The following ENPP6 variants were observed in gnomAD, a reference collection of about 807,000 sequenced individuals.
ENPP6 encodes the protein ectonucleotide pyrophosphatase/phosphodiesterase 6.
In ENPP6, 32 loss-of-function variants were observed where a neutral mutation model predicts 42.0. The ratio of observed to expected loss-of-function variants is 0.76; its 90% confidence interval spans 0.58 to 1.02. The LOEUF (loss-of-function observed/expected upper bound fraction) is 1.02. Among genes scored for constraint, ENPP6 ranks in the 50% least tolerant of loss-of-function variants. The pLI, the probability that ENPP6 is intolerant of heterozygous loss-of-function variation, is 0.00. For synonymous variants in ENPP6, 213 were observed against 216.0 expected, an observed-to-expected ratio of 0.99 and a Z score of 0.12; for missense variants, 552 against 566.8, an observed-to-expected ratio of 0.97 and a Z score of 0.27.
chr4:184,212,842 T>A (rs1213599886), intron 1 of ENPP6, among the ~76,000 whole-genome samples: 1 of 152,020 alleles, frequency 6.6e-6, no homozygotes, highest in African/African-American at 2.4e-5. Context: ...CAAACTATAC[T>A]ACAAGGCTAC....
chr4:184,142,054 C>T (rs190122057), intron 2 of ENPP6, among the ~76,000 whole-genome samples: 2 of 152,274 alleles, frequency 1.3e-5, no homozygotes, highest in African/African-American at 4.8e-5. Flanking sequence ...GAGAGGTGAA[C>T]CTCCCAAGGT....
chr4:184,126,395 G>T (rs1385894964), intron 2 of ENPP6, among the ~76,000 whole-genome samples: 1 of 152,114 alleles, frequency 6.6e-6, no homozygotes, highest in Non-Finnish European at 1.5e-5. Context: ...GTGTCAAAGT[G>T]GAGCTGTTGT....
At chr4:184,106,309 A>T (rs1736091901) in intron 6 of ENPP6, among the ~76,000 whole-genome samples, 1 of 152,182 alleles carries the variant, frequency 6.6e-6, no homozygotes, top group Admixed American at 6.5e-5. Context: ...TGCTGATATT[A>T]CAGGCATGAG....
At chr4:184,131,201 C>CTTTCTTCT (rs376993212) in intron 2 of ENPP6, among the ~76,000 whole-genome samples, 2 of 70,644 alleles carry the variant, frequency 2.8e-5, no homozygotes, top group Non-Finnish European at 2.8e-5. Context: ...TTCTTTCTTT[C>CTTTCTTCT]TTCTTTCTTT....
chr4:184,107,772 G>A (rs112814337), intron 6 of ENPP6, among the ~76,000 whole-genome samples: 1,521 of 152,096 alleles, frequency 0.01, 27 homozygotes, highest in African/African-American at 0.034. Context: ...AAAATTAGCC[G>A]GGCGTGGTGG....
chr4:184,151,220 C>T lies in ENPP6; in HGVS notation c.421+2334G>A, dbSNP rs528968482. 3.3e-5 allele frequency among the ~76,000 whole-genome samples: 5 copies of T among 152,314 alleles called. No homozygotes were observed. The East Asian group carries it at 9.6e-4, about 29-fold the overall frequency. On this transcript the variant is annotated intron_variant, in intron 2 of 7. Coordinates refer to ENST00000296741, the MANE Select transcript of ENPP6 (RefSeq NM_153343.4). ...AGGCGTGGTGGTGCACGCCTGTAAT[C>T]CCAGCTACTCTGGAGGCTGAGGCAA...
chr4:184,155,075 G>T (rs941466087), intron 1 of ENPP6, among the ~76,000 whole-genome samples: 1 of 152,120 alleles, frequency 6.6e-6, no homozygotes, highest in African/African-American at 2.4e-5. Flanking sequence ...CCCGGGGCTG[G>T]GTCTGAGAAG....
At chr4:184,197,447 T>TA (rs931521023) in intron 1 of ENPP6, among the ~76,000 whole-genome samples, 5 of 152,208 alleles carry the variant, frequency 3.3e-5, no homozygotes, top group African/African-American at 1.2e-4. Context: ...GCAACTTGGG[T>TA]ACATGGCGAG....
At chr4:184,205,403 G>A (rs1358600405) in intron 1 of ENPP6, among the ~76,000 whole-genome samples, 1 of 152,242 alleles carries the variant, frequency 6.6e-6, no homozygotes, top group Non-Finnish European at 1.5e-5. Context: ...CCCAGCTTGG[G>A]CCTTTCTGGG....
intron 1 of ENPP6, among the ~76,000 whole-genome samples, chr4:184,196,840 T>A (rs532232387): frequency 2.1e-4 from 32 of 152,312 alleles, no homozygotes; most frequent in African/African-American, 7.7e-4. Flanking sequence ...GTCTCACAAC[T>A]GGCTGCAAGA....
intron 1 of ENPP6, among the ~76,000 whole-genome samples, chr4:184,202,494 C>T (rs969790910): frequency 3.3e-5 from 5 of 152,152 alleles, no homozygotes; most frequent in African/African-American, 9.7e-5. Context: ...ATCAATTGCA[C>T]GTTTTTGACA....
intron 2 of ENPP6, among the ~76,000 whole-genome samples, chr4:184,133,126 G>A (rs928671724): frequency 2.0e-5 from 3 of 150,632 alleles, no homozygotes; most frequent in Non-Finnish European, 4.4e-5. Flanking sequence ...TCTGGAGTCT[G>A]CACTTCATAT....
chr4:184,194,552 C>T (rs1470356404), intron 1 of ENPP6, among the ~76,000 whole-genome samples: 1 of 152,246 alleles, frequency 6.6e-6, no homozygotes, highest in Non-Finnish European at 1.5e-5. Flanking sequence ...ACAGTGACAA[C>T]AGTGCATTAA....
intron 2 of ENPP6, among the ~76,000 whole-genome samples, chr4:184,131,739 T>G (rs949871973): frequency 6.6e-6 from 1 of 151,456 alleles, no homozygotes; most frequent in Non-Finnish European, 1.5e-5. Context: ...AAATTACCCA[T>G]TTTCCATTTC....
rs4403093 is a variant in ENPP6, at chr4:184,128,424, G to C, written c.422-4152C>G. 7.2e-5 allele frequency among the ~76,000 whole-genome samples: 11 copies of C among 151,992 alleles called. No homozygotes were observed. The South Asian group carries it at 1.9e-3, about 26-fold the overall frequency. ...TCAAACTCCTCATCTCAAGTGATCT[G>C]CCTGCCTCAGCCTCTCAAAGTGCTG... is the stretch of plus-strand genomic sequence containing the variant. On this transcript the variant is annotated intron_variant, in intron 2 of 7. Transcript: ENST00000296741.
chr4:184,180,413 T>G (rs1408269936), intron 1 of ENPP6, among the ~76,000 whole-genome samples: 2 of 152,114 alleles, frequency 1.3e-5, no homozygotes, highest in Non-Finnish European at 2.9e-5. Flanking sequence ...GATTTACAGT[T>G]GAATTCTACC....
intron 1 of ENPP6, among the ~76,000 whole-genome samples, chr4:184,208,933 C>T (rs1245371593): frequency 6.9e-6 from 1 of 143,946 alleles, no homozygotes; most frequent in Non-Finnish European, 1.5e-5. Flanking sequence ...TGACCCCTGA[C>T]CCCCGAGCAG....
intron 1 of ENPP6, among the ~76,000 whole-genome samples, chr4:184,157,669 G>C (rs1737193693): frequency 6.6e-6 from 1 of 150,568 alleles, no homozygotes; most frequent in South Asian, 2.1e-4. Context: ...CTGGAGTGCA[G>C]TGGGGCAATC....
In ENPP6 at chr4:184,089,410, C is replaced by A. The variant is rs1246765961; in HGVS notation, c.*1767G>T. 1 of 152,102 alleles carries A rather than the reference C, an allele frequency of 6.6e-6. No homozygotes were observed. The highest frequency in any genetic ancestry group is 1.5e-5 in the Non-Finnish European group (1 of 68,036). The allele number at this position is 152,102 out of a possible 1,614,324, so 9.4% of individuals were successfully genotyped here. On this transcript the variant is annotated 3_prime_UTR_variant, in exon 8 of 8. Transcript: ENST00000296741. ...GTCCTGAGGAGACCTGATATATTGC[C>A]TTTTCCTGACAAAAAGTCTCACTTG... is the stretch of plus-strand genomic sequence containing the variant.
Sources: allele counts gnomAD v4.1 joint callset (sites outside exome capture counted in the v4.1 genomes callset), GRCh38; gene constraint gnomAD v4.1.1; transcripts MANE v1.5; gene names NCBI Gene and HGNC (gene_info 2026-07-23, HGNC 2026-07-21).